ZFAT: variants seen among roughly 807,000 people sequenced by gnomAD.
The protein encoded by ZFAT is zinc finger and AT-hook domain containing, also known as zinc finger protein ZFAT.
Under a neutral mutation model 117.7 loss-of-function variants are expected in ZFAT, and 64 were observed. The observed-to-expected ratio is 0.54, with a 90% CI of 0.44 to 0.67. The LOEUF (loss-of-function observed/expected upper bound fraction) is 0.67. ZFAT is among the 30% of genes least tolerant of loss of function. The pLI is 0.00. For synonymous variants in ZFAT, 679 were observed against 615.0 expected (o/e 1.10, Z -1.54); for missense variants, 1,433 against 1,584.5 (o/e 0.90, Z 1.62).
the ZFAT span, among the ~76,000 whole-genome samples, chr8:134,761,677 C>A: frequency 6.0e-5 from 9 of 150,974 alleles, no homozygotes; most frequent in Non-Finnish European, 1.2e-4. Context: ...TCCAGCCTGG[C>A]GACAAAGCGA....
intron 15 of ZFAT, among the ~76,000 whole-genome samples, chr8:134,488,086 G>A (rs1386261213): frequency 6.6e-6 from 1 of 152,238 alleles, no homozygotes. Flanking sequence ...CCCAAGTAGG[G>A]TAGCTCAGGC....
chr8:134,506,061 T>G (rs891419324), intron 15 of ZFAT, among the ~76,000 whole-genome samples: 1 of 152,226 alleles, frequency 6.6e-6, no homozygotes, highest in East Asian at 1.9e-4. Context: ...ATTGCTGTTA[T>G]TTTCTTTGGT....
At chr8:134,617,448 T>G (rs1011576414) in intron 3 of ZFAT, among the ~76,000 whole-genome samples, 3 of 152,224 alleles carry the variant, frequency 2.0e-5, no homozygotes, top group Non-Finnish European at 4.4e-5. Context: ...CCAGCTAGTA[T>G]TAATAACAAC....
At position 134,610,395 on chromosome 8, in the gene ZFAT, A is replaced by C. The variant is rs549018430; in HGVS notation, c.634+75T>G. ...GCACCAGCTCTGTGTTCTGACTCAG[A>C]CTGTGACATCAGGCTGCCCTTGGCA... On this transcript the variant is annotated intron_variant, in intron 4 of 15. Transcript: ENST00000377838. The C allele has an allele frequency of 1.6e-5, 23 of 1,475,636 alleles. 1 individual carries two copies. In the South Asian group the frequency reaches 3.0e-4, roughly 19 times the overall value. 91.4% of individuals were successfully genotyped at this position (1,475,636 alleles called of 1,614,324 possible). A position where few individuals can be genotyped will look rare whatever the true frequency, so the allele number is the denominator to read the frequency against.
At chr8:134,565,660 C>T (rs1353459509) in intron 10 of ZFAT, 4 of 618,236 alleles carry the variant, frequency 6.5e-6, no homozygotes, top group Admixed American at 2.8e-5. Context: ...CCTGGGGAGG[C>T]CCCATGAGCA....
At chr8:134,761,131 T>C in the ZFAT span, among the ~76,000 whole-genome samples, 1 of 152,202 alleles carries the variant, frequency 6.6e-6, no homozygotes, top group Admixed American at 6.5e-5. Flanking sequence ...GCCCTGCTGA[T>C]TGGTGTTTCT....
chr8:134,827,700 G>C, the ZFAT span, among the ~76,000 whole-genome samples: 9 of 151,394 alleles, frequency 5.9e-5, no homozygotes, highest in Admixed American at 5.9e-4. Flanking sequence ...CCCGGGAGGC[G>C]GAGGTTGCAT....
the ZFAT span, among the ~76,000 whole-genome samples, chr8:134,790,178 C>T: frequency 6.6e-6 from 1 of 152,130 alleles, no homozygotes; most frequent in African/African-American, 2.4e-5. Flanking sequence ...CACATACCAC[C>T]ATTGCAAGAA....
chr8:134,695,448 C>G (rs1032787030), intron 1 of ZFAT, among the ~76,000 whole-genome samples: 1 of 151,050 alleles, frequency 6.6e-6, no homozygotes, highest in Non-Finnish European at 1.5e-5. Context: ...CCTCCAGGCC[C>G]GGCCATCTTA....
intron 10 of ZFAT, among the ~76,000 whole-genome samples, chr8:134,573,515 C>T (rs1399586899): frequency 6.6e-6 from 1 of 152,106 alleles, no homozygotes; most frequent in Non-Finnish European, 1.5e-5. Flanking sequence ...TTCAGTTAGA[C>T]ATCTTTCTGA....
At chr8:134,484,954 A>G (rs1213805346) in intron 15 of ZFAT, among the ~76,000 whole-genome samples, 1 of 152,072 alleles carries the variant, frequency 6.6e-6, no homozygotes, top group African/African-American at 2.4e-5. Flanking sequence ...TGAACAAAGA[A>G]AGCAGTAAAC....
At chr8:134,819,496 A>ACCCCCCCCCCCACCCC in the ZFAT span, among the ~76,000 whole-genome samples, 1 of 39,334 alleles carries the variant, frequency 2.5e-5, no homozygotes, top group Non-Finnish European at 4.7e-5. Context: ...CGGATTTACC[A>ACCCCCCCCCCCACCCC]CCCCCCCCCC....
At chr8:134,574,061 G>C (rs1490557905) in intron 10 of ZFAT, among the ~76,000 whole-genome samples, 2 of 152,250 alleles carry the variant, frequency 1.3e-5, no homozygotes, top group African/African-American at 4.8e-5. Context: ...GCTCAGGTTA[G>C]AGAGATGTGA....
chr8:134,501,525 G>GA (rs1291180295), intron 15 of ZFAT, among the ~76,000 whole-genome samples: 1 of 152,128 alleles, frequency 6.6e-6, no homozygotes, highest in African/African-American at 2.4e-5. Flanking sequence ...AATAATGACA[G>GA]AAAAAAACCG....
At chr8:134,728,389 T>C in the ZFAT span, among the ~76,000 whole-genome samples, 1 of 152,126 alleles carries the variant, frequency 6.6e-6, no homozygotes, top group African/African-American at 2.4e-5. Context: ...TAAAAGTCTG[T>C]GAGGCCCTGC....
chr8:134,643,113 T>G (rs1275072403), intron 2 of ZFAT, among the ~76,000 whole-genome samples: 1 of 152,248 alleles, frequency 6.6e-6, no homozygotes, highest in East Asian at 1.9e-4. Context: ...GCACTTCACA[T>G]GCACGTCCTC....
the ZFAT span, among the ~76,000 whole-genome samples, chr8:134,820,452 A>G: frequency 6.6e-6 from 1 of 152,258 alleles, no homozygotes; most frequent in Non-Finnish European, 1.5e-5. Flanking sequence ...TGATGCCAGT[A>G]TCATCGCTTG....
intron 13 of ZFAT, among the ~76,000 whole-genome samples, chr8:134,514,256 A>T (rs556215601): frequency 6.6e-6 from 1 of 152,326 alleles, no homozygotes; most frequent in South Asian, 2.1e-4. Flanking sequence ...GGCTCTGCAT[A>T]AAGTGCTAGC....
chr8:134,719,761 C>G, the ZFAT span, among the ~76,000 whole-genome samples: 1 of 152,136 alleles, frequency 6.6e-6, no homozygotes, highest in East Asian at 1.9e-4. Flanking sequence ...GGGAAGAGGA[C>G]GTTGCAGAAA....
Sources: allele counts gnomAD v4.1 joint callset (sites outside exome capture counted in the v4.1 genomes callset), GRCh38; gene constraint gnomAD v4.1.1; transcripts MANE v1.5; gene names NCBI Gene and HGNC (gene_info 2026-07-23, HGNC 2026-07-21).